The following EDEM2 variants were observed in gnomAD, a reference collection of about 807,000 sequenced individuals.
The protein encoded by EDEM2 is ER degradation enhancing alpha-mannosidase like protein 2.
A neutral mutation model predicts 64.8 loss-of-function variants in EDEM2; 39 were observed. The observed-to-expected ratio is 0.60, with a 90% confidence interval of 0.47 to 0.79. The LOEUF is 0.79. EDEM2 is among the 30% of genes least tolerant of loss of function. The pLI, the probability that EDEM2 is intolerant of heterozygous loss-of-function variation, is 0.00. For missense variants in EDEM2, 609 were observed against 731.3 expected (o/e 0.83, Z 1.93); for synonymous variants, 296 against 291.5 (o/e 1.02, Z -0.16).
At position 35,115,428 on chromosome 20, in the gene EDEM2, A is replaced by G. The variant is rs755444063; in HGVS notation, c.*5T>C. ...AAAAATAAAAATAAAAAAATTATCCAGTGGTTATGAGGAGTCTAGGAAAAC... is the reference window on the plus strand; with the variant it reads ...AAAAATAAAAATAAAAAAATTATCCGGTGGTTATGAGGAGTCTAGGAAAAC... On this transcript the variant is annotated 3_prime_UTR_variant, in exon 11 of 11. Transcript: ENST00000374492. The G allele has an allele frequency of 6.2e-7, 1 of 1,602,060 alleles. No homozygotes were observed. Among genetic ancestry groups the G allele is most frequent in the East Asian group, 2.2e-5 (1 of 44,770 alleles).
Position 35,142,232 on chromosome 20 carries a change from G to C in EDEM2, c.364+141C>G, listed in dbSNP as rs75348888. 4.7e-3 allele frequency: 3,124 copies of C among 667,082 alleles called. 117 individuals are homozygous for C. In the East Asian group the frequency reaches 0.074, roughly 16 times the overall value. 41.3% of individuals were successfully genotyped at this position (667,082 alleles called of 1,614,324 possible). A position where few individuals can be genotyped will look rare whatever the true frequency, so the allele number is the denominator to read the frequency against. ...CTTCCCCACCTCACCCTCCAGGAGGGAAGAAGAGCTCTGTCGGTCAGAGGT... is the reference window on the plus strand; with the variant it reads ...CTTCCCCACCTCACCCTCCAGGAGGCAAGAAGAGCTCTGTCGGTCAGAGGT... On this transcript the variant is annotated intron_variant, in intron 4 of 10. Coordinates refer to ENST00000374492, the MANE Select transcript of EDEM2 (RefSeq NM_018217.3).
intron 4 of EDEM2, among the ~76,000 whole-genome samples, chr20:35,138,704 C>G (rs1357242802): frequency 6.6e-6 from 1 of 151,718 alleles, no homozygotes; most frequent in East Asian, 1.9e-4. Context: ...CTCAGCCTCC[C>G]GAGTAGCTGG....
intron 9 of EDEM2, among the ~76,000 whole-genome samples, chr20:35,121,241 C>T (rs1321567699): frequency 6.6e-6 from 1 of 152,096 alleles, no homozygotes; most frequent in Non-Finnish European, 1.5e-5. Flanking sequence ...GTTTGTTTTC[C>T]TGCAACTAGA....
chr20:35,132,101 G>T (rs2146102122), intron 6 of EDEM2, among the ~76,000 whole-genome samples: 1 of 152,316 alleles, frequency 6.6e-6, no homozygotes. Context: ...AGAATTTGCT[G>T]TTGCCGCAAT....
In EDEM2 at chr20:35,134,742, C is replaced by A; in HGVS notation, c.698G>T (p.Gly233Val). The A allele has an allele frequency of 6.2e-7, 1 of 1,612,844 alleles. No homozygotes were observed. Among genetic ancestry groups the A allele is most frequent in the Non-Finnish European group, 8.5e-7 (1 of 1,179,948 alleles). Reference protein sequence around the residue: ...MRLWESRSDIGLVGNHIDVLT... With the variant: ...MRLWESRSDIVLVGNHIDVLT... Reference sequence around the variant, plus strand: ...GAAGGGCAGCAGCGAACCTACCAGCCCGATATCTGACCGGCTCTCCCAGAG... The same window carrying A: ...GAAGGGCAGCAGCGAACCTACCAGCACGATATCTGACCGGCTCTCCCAGAG... The change falls in exon 6 of 11, where the codon GGG (glycine) becomes GTG (valine). Residue 233 changes from glycine (G) to valine (V), a missense_variant. Transcript: ENST00000374492.
Position 35,147,241 on chromosome 20 carries a change from G to A in EDEM2, c.18C>T (p.Leu6=). MPFRL[L]IPLGLLCALL... is the part of the protein sequence containing the mutation. ...GCGCGCACAGGAGGCCGAGCGGGAT[G>A]AGCAGCCGGAAAGGCATAGAGCTCG... The change falls in exon 1 of 11, where the codon CTC becomes CTT. Residue 6 remains leucine (L), a synonymous_variant. Transcript: ENST00000374492. 1.3e-6 allele frequency: 2 copies of A among 1,592,204 alleles called. No individual in the cohort carries two copies. Among genetic ancestry groups the A allele is most frequent in the Non-Finnish European group, 1.7e-6 (2 of 1,167,674 alleles).
rs375052030 is a variant in EDEM2, at chr20:35,147,266, G to A, written c.-8C>T. Reference sequence around the variant, plus strand: ...GAGCAGCCGGAAAGGCATAGAGCTCGTGTCCTCTCAGCGCCCCCGCAGCAG... The same window carrying A: ...GAGCAGCCGGAAAGGCATAGAGCTCATGTCCTCTCAGCGCCCCCGCAGCAG... On this transcript the variant is annotated 5_prime_UTR_variant, in exon 1 of 11. The change creates a new upstream start codon in the 5' untranslated region. Coordinates refer to ENST00000374492, the MANE Select transcript of EDEM2 (RefSeq NM_018217.3). 16 of 1,538,506 alleles carry A rather than the reference G, an allele frequency of 1.0e-5. No homozygotes were observed. The highest frequency in any genetic ancestry group is 2.0e-5 in the Admixed American group (1 of 50,824).
At chr20:35,145,173 C>T (rs562181053) in intron 2 of EDEM2, among the ~76,000 whole-genome samples, 155 bp from the exon 3 acceptor site, 1 of 152,210 alleles carries the variant, frequency 6.6e-6, no homozygotes, top group Non-Finnish European at 1.5e-5. Context: ...CAGTGAAAAT[C>T]GCAGGTATTC....
chr20:35,118,767 T>C lies in EDEM2; in HGVS notation c.1115-48A>G, dbSNP rs747650291. On this transcript the variant is annotated intron_variant, in intron 9 of 10. Coordinates refer to ENST00000374492, the MANE Select transcript of EDEM2 (RefSeq NM_018217.3). ...TCCTCACTCAGTGGCTGCACAGAGATGGCCTGGGGCCTCTTAGGGCCGTGA... is the reference window on the plus strand; with the variant it reads ...TCCTCACTCAGTGGCTGCACAGAGACGGCCTGGGGCCTCTTAGGGCCGTGA... 8 of 1,607,276 alleles carry C rather than the reference T, an allele frequency of 5.0e-6. No individual in the cohort carries two copies. In the Admixed American group the frequency reaches 6.7e-5, roughly 13 times the overall value.
At chr20:35,144,934 G>A in intron 3 of EDEM2, 45 bp downstream of exon 3, 1 of 1,598,756 alleles carries the variant, frequency 6.3e-7, no homozygotes. Context: ...GAAGGATGTT[G>A]GTTATGTAAC....
At position 35,124,217 on chromosome 20, in the gene EDEM2, C is replaced by T. The variant is rs748585446; in HGVS notation, c.970-183G>A. Among the ~76,000 whole-genome samples the T allele has an allele frequency of 2.6e-5, 4 of 152,280 alleles. No homozygotes were observed. In the East Asian group the frequency reaches 5.8e-4, roughly 22 times the overall value. The stretch of plus-strand genomic sequence containing the variant: ...ACTTCTCTGAGCCCCATCTATAAAA[C>T]GTAAAATACACCACCTATCTCATGC... On this transcript the variant is annotated intron_variant, in intron 8 of 10. Transcript: ENST00000374492.
intron 4 of EDEM2, 75 bp from the exon 5 acceptor site, chr20:35,138,080 G>A (rs1249499470): frequency 3.2e-6 from 5 of 1,565,892 alleles, no homozygotes; most frequent in Non-Finnish European, 4.3e-6. Context: ...TCCCCTGTGC[G>A]AGTTAAACAT....
chr20:35,142,486 T>C lies in EDEM2; in HGVS notation c.259-8A>G. On this transcript the variant is annotated splice_polypyrimidine_tract_variant and splice_region_variant and intron_variant, in intron 3 of 10. Transcript: ENST00000374492. ...TGAGACATTCCCCAAAATCTGGAAA[T>C]AAAAAAGAGACCTGACAATGAGGCT... 1 of 1,607,410 alleles carries C rather than the reference T, an allele frequency of 6.2e-7. No individual in the cohort carries two copies. Among genetic ancestry groups the C allele is most frequent in the Non-Finnish European group, 8.5e-7 (1 of 1,175,132 alleles).
Position 35,142,263 on chromosome 20 carries a change from C to G in EDEM2, c.364+110G>C, listed in dbSNP as rs544114265. 2.3e-4 allele frequency: 196 copies of G among 853,504 alleles called. 2 individuals are homozygous for G. The South Asian group carries it at 2.9e-3, about 13-fold the overall frequency. 52.9% of individuals were successfully genotyped at this position (853,504 alleles called of 1,614,324 possible). A position where few individuals can be genotyped will look rare whatever the true frequency, so the allele number is the denominator to read the frequency against. On this transcript the variant is annotated intron_variant, in intron 4 of 10. Transcript: ENST00000374492. ...GAGCTCTGTCGGTCAGAGGTTTTGG[C>G]CAAGGGTCCTGGCATGGTCAGTCCT...
At chr20:35,139,444 T>C (rs2085622467) in intron 4 of EDEM2, among the ~76,000 whole-genome samples, 2 of 147,830 alleles carry the variant, frequency 1.4e-5, no homozygotes, top group South Asian at 4.3e-4. Context: ...AGCTCAGGAG[T>C]TCGTGACCAG....
At chr20:35,137,000 G>A (rs1042025755) in intron 5 of EDEM2, among the ~76,000 whole-genome samples, 30 of 152,106 alleles carry the variant, frequency 2.0e-4, no homozygotes, top group Non-Finnish European at 4.3e-4. Flanking sequence ...AATCCCTCTC[G>A]TTTTAAAAGT....
chr20:35,144,997 A>G lies in EDEM2; in HGVS notation c.240T>C (p.Asp80=). The G allele has an allele frequency of 1.2e-6, 2 of 1,614,172 alleles. No individual in the cohort carries two copies. Among genetic ancestry groups the G allele is most frequent in the Non-Finnish European group, 1.7e-6 (2 of 1,180,008 alleles). ...TACTTACCAGCAAGGTGTCCAGTGC[A>G]TCAATTAGAGTCAGAGAAAAACTGC... ...TWGSFSLTLI[D]ALDTLLILGN... The change falls in exon 3 of 11, where the codon GAT becomes GAC. Residue 80 remains aspartate, a synonymous_variant. Coordinates refer to ENST00000374492, the MANE Select transcript of EDEM2 (RefSeq NM_018217.3).
chr20:35,140,678 G>C (rs1382704236), intron 4 of EDEM2, among the ~76,000 whole-genome samples: 1 of 152,124 alleles, frequency 6.6e-6, no homozygotes, highest in African/African-American at 2.4e-5. Context: ...TTTAGACTTT[G>C]ATAAGTTATG....
At chr20:35,134,386 A>G (rs141510424) in intron 6 of EDEM2, among the ~76,000 whole-genome samples, 132 of 152,284 alleles carry the variant, frequency 8.7e-4, no homozygotes, top group African/African-American at 3.0e-3. Context: ...TAAGAAACAC[A>G]GCAAATACAG....
Sources: gnomAD v4.1 joint callset for allele counts (sites outside exome capture counted in the v4.1 genomes callset) on GRCh38, gnomAD v4.1.1 for gene constraint, MANE v1.5 for transcripts, NCBI Gene and HGNC (gene_info 2026-07-23, HGNC 2026-07-21) for gene names.